The following ELAVL2 variants were observed in gnomAD, a reference collection of about 807,000 sequenced individuals.
ELAVL2 encodes the protein ELAV like RNA binding protein 2, also known as ELAV-like protein 2.
ELAVL2 carries 4 observed loss-of-function variants against 34.6 expected under a neutral mutation model. That is an observed-to-expected ratio of 0.12 (90% CI 0.06 to 0.26). The LOEUF (loss-of-function observed/expected upper bound fraction) is 0.26. Among genes scored for constraint, ELAVL2 ranks in the 10% least tolerant of loss-of-function variants. The pLI is 1.00. For synonymous variants in ELAVL2, 193 were observed against 154.8 expected, an observed-to-expected ratio of 1.25 and a Z score of -1.83; for missense variants, 432 against 442.8, an observed-to-expected ratio of 0.98 and a Z score of 0.22.
At chr9:23,764,160 A>G (rs2055694940) in intron 1 of ELAVL2, among the ~76,000 whole-genome samples, 1 of 152,160 alleles carries the variant, frequency 6.6e-6, no homozygotes, top group African/African-American at 2.4e-5. Flanking sequence ...ACAATGAGCT[A>G]CAAGATTAAA....
At chr9:23,783,360 T>A in intron 1 of ELAVL2, 1 of 741,242 alleles carries the variant, frequency 1.3e-6, no homozygotes, top group Non-Finnish European at 1.6e-6. Context: ...GCCACTTAAA[T>A]GGAGTAACTC....
intron 1 of ELAVL2, among the ~76,000 whole-genome samples, chr9:23,767,264 A>T (rs2056467359): frequency 6.6e-6 from 1 of 152,234 alleles, no homozygotes; most frequent in African/African-American, 2.4e-5. Flanking sequence ...TACTGTTTTC[A>T]CAATAGTGGA....
chr9:23,741,539 T>TTC (rs1554703669), intron 2 of ELAVL2, among the ~76,000 whole-genome samples: 2 of 151,898 alleles, frequency 1.3e-5, no homozygotes, highest in African/African-American at 4.8e-5. Flanking sequence ...CTCTAGACAC[T>TTC]CCCCCTTAGG....
intron 5 of ELAVL2, among the ~76,000 whole-genome samples, chr9:23,696,448 C>T (rs1051447788): frequency 3.3e-5 from 5 of 152,174 alleles, no homozygotes. Context: ...GGTCTGTCCA[C>T]TGCTCAAGGA....
At chr9:23,838,761 CA>C in the ELAVL2 span, among the ~76,000 whole-genome samples, 62 of 152,126 alleles carry the variant, frequency 4.1e-4, no homozygotes, top group East Asian at 0.011. Flanking sequence ...CATTCCCAGC[CA>C]GCAAAACCCT....
intron 1 of ELAVL2, among the ~76,000 whole-genome samples, chr9:23,801,459 A>T (rs754324323): frequency 1.3e-5 from 2 of 152,150 alleles, no homozygotes; most frequent in Non-Finnish European, 2.9e-5. Context: ...TGGAATATAA[A>T]GTGTGTCTTT....
chr9:23,759,754 T>TA (rs1554719969), intron 2 of ELAVL2, among the ~76,000 whole-genome samples: 5 of 81,342 alleles, frequency 6.1e-5, no homozygotes, highest in African/African-American at 2.2e-4. Context: ...ATATATAGTA[T>TA]TATATATATA....
chr9:23,759,752 T>TA (rs1208049287), intron 2 of ELAVL2, among the ~76,000 whole-genome samples: 11 of 53,512 alleles, frequency 2.1e-4, no homozygotes, highest in African/African-American at 1.2e-3. Context: ...TCATATATAG[T>TA]ATTATATATA....
chr9:23,697,876 A>T (rs2035805343), intron 5 of ELAVL2, among the ~76,000 whole-genome samples: 1 of 151,718 alleles, frequency 6.6e-6, no homozygotes, highest in Non-Finnish European at 1.5e-5. Context: ...GATTATCAAA[A>T]TCTCTCCAAA....
chr9:23,693,198 A>G (rs1026628326), intron 6 of ELAVL2, among the ~76,000 whole-genome samples: 2 of 152,224 alleles, frequency 1.3e-5, no homozygotes, highest in Non-Finnish European at 2.9e-5. Context: ...GGATCAACAC[A>G]TACGTAAACA....
chr9:23,692,386 A>T lies in ELAVL2; in HGVS notation c.*171T>A. On this transcript the variant is annotated 3_prime_UTR_variant, in exon 7 of 7. Transcript: ENST00000397312. ...ACATAAAAGATATTTAAGAAGTTTT[A>T]ATTCAAATACTAGCAATAAAAAATC... 1.4e-6 allele frequency: 1 copy of T among 702,572 alleles called. No individual in the cohort carries two copies. The highest frequency in any genetic ancestry group is 2.3e-6 in the Non-Finnish European group (1 of 439,366). The allele number at this position is 702,572 out of a possible 1,614,324, so 43.5% of individuals were successfully genotyped here.
chr9:23,755,857 A>G (rs575944792), intron 2 of ELAVL2, among the ~76,000 whole-genome samples: 1 of 152,266 alleles, frequency 6.6e-6, no homozygotes, highest in East Asian at 1.9e-4. Context: ...CTGGTCTGCA[A>G]GAATCAGAAT....
At chr9:23,733,172 T>TAAAA (rs397953305) in intron 2 of ELAVL2, among the ~76,000 whole-genome samples, 10 of 104,558 alleles carry the variant, frequency 9.6e-5, no homozygotes, top group African/African-American at 2.9e-4. Context: ...CTAGAAAGCT[T>TAAAA]AAAAAAAAAA....
chr9:23,695,028 T>G (rs936976961), intron 5 of ELAVL2, among the ~76,000 whole-genome samples: 1 of 152,130 alleles, frequency 6.6e-6, no homozygotes. Flanking sequence ...TGAAAACTAG[T>G]AAGAGGATTG....
chr9:23,791,712 G>C (rs148730789), intron 1 of ELAVL2, among the ~76,000 whole-genome samples: 1,657 of 152,302 alleles, frequency 0.011, 30 homozygotes, highest in African/African-American at 0.038. Context: ...TAAAAGCTAA[G>C]TGAGGACACA....
intron 3 of ELAVL2, among the ~76,000 whole-genome samples, chr9:23,714,544 C>T (rs2041823126): frequency 6.6e-6 from 1 of 152,074 alleles, no homozygotes; most frequent in Non-Finnish European, 1.5e-5. Flanking sequence ...CAGTTAAGGC[C>T]CCAAAATTTT....
At position 23,735,000 on chromosome 9, in the gene ELAVL2, TAA is replaced by T. The variant is rs2047474645; in HGVS notation, c.230-3877_230-3876del. 2.1e-5 allele frequency among the ~76,000 whole-genome samples: 3 copies of T among 144,814 alleles called. No individual in the cohort carries two copies. In the Admixed American group the frequency reaches 2.2e-4, roughly 11 times the overall value. On this transcript the variant is annotated intron_variant, in intron 2 of 6. Coordinates refer to ENST00000397312, the MANE Select transcript of ELAVL2 (RefSeq NM_004432.5). ...ATCCCCAAACTAAGATTCATTTCTTTAAAAAGTTTTATAAGATGCTACATTTA... is the reference window on the plus strand; with the variant it reads ...ATCCCCAAACTAAGATTCATTTCTTTAAAGTTTTATAAGATGCTACATTTA...
chr9:23,769,092 G>C (rs1421873310), intron 1 of ELAVL2, among the ~76,000 whole-genome samples: 1 of 152,124 alleles, frequency 6.6e-6, no homozygotes, highest in Non-Finnish European at 1.5e-5. Flanking sequence ...GACAGAATCA[G>C]CCCAGTACAA....
intron 1 of ELAVL2, among the ~76,000 whole-genome samples, chr9:23,768,899 C>G (rs918386187): frequency 6.6e-6 from 1 of 152,118 alleles, no homozygotes; most frequent in Non-Finnish European, 1.5e-5. Flanking sequence ...GATCTTCATA[C>G]TAACTAGAAA....
Sources: allele counts gnomAD v4.1 joint callset (sites outside exome capture counted in the v4.1 genomes callset), GRCh38; gene constraint gnomAD v4.1.1; transcripts MANE v1.5; gene names NCBI Gene and HGNC (gene_info 2026-07-23, HGNC 2026-07-21).